Variants in DOCK10 observed in about 807,000 individuals in gnomAD.
DOCK10 encodes the protein dedicator of cytokinesis protein 10.
A neutral mutation model predicts 280.1 loss-of-function variants in DOCK10; 145 were observed. The ratio of observed to expected loss-of-function variants is 0.52; its 90% CI spans 0.45 to 0.59. DOCK10 has a LOEUF of 0.59. DOCK10 is among the 20% of genes least tolerant of loss of function. The pLI, the probability that DOCK10 is intolerant of heterozygous loss-of-function variation, is 0.00. For missense variants in DOCK10, 2,368 were observed against 2,651.7 expected (o/e 0.89, Z 2.35); for synonymous variants, 915 against 942.2 (o/e 0.97, Z 0.53).
At chr2:224,967,051 C>T (rs1373288471) in intron 1 of DOCK10, among the ~76,000 whole-genome samples, 4 of 151,510 alleles carry the variant, frequency 2.6e-5, no homozygotes, top group African/African-American at 7.3e-5. Flanking sequence ...ATATCAGGAC[C>T]AAATGGATAA....
intron 1 of DOCK10, among the ~76,000 whole-genome samples, chr2:224,992,228 G>C (rs949836637): frequency 6.6e-6 from 1 of 152,178 alleles, no homozygotes; most frequent in Non-Finnish European, 1.5e-5. Context: ...TATTTTCTGT[G>C]TTCATTTTTC....
Position 224,865,037 on chromosome 2 carries a change from C to T in DOCK10, c.1308G>A (p.Arg436=). 1.9e-6 allele frequency: 3 copies of T among 1,613,978 alleles called. No homozygotes were observed. The highest frequency in any genetic ancestry group is 2.5e-6 in the Non-Finnish European group (3 of 1,179,890). ...CCACATGAAAATCAGCAGAAATCTT[C>T]CTGCTGTCTCTGAGGTCATAAAGTG... ...SVALYDLRDS[R]KISADFHVDL... The change falls in exon 12 of 56, where the codon AGG becomes AGA. Residue 436 remains arginine (R), a synonymous_variant. Transcript: ENST00000258390.
At chr2:224,854,133 T>C (rs893059629) in intron 16 of DOCK10, among the ~76,000 whole-genome samples, 6 of 152,174 alleles carry the variant, frequency 3.9e-5, no homozygotes, top group Admixed American at 1.3e-4. Flanking sequence ...GTTACAAGGA[T>C]GGAAAACTTA....
rs1696287150 is a variant in DOCK10, at chr2:224,845,581, T to C, written c.2297A>G (p.His766Arg). 6 of 1,613,450 alleles carry C rather than the reference T, an allele frequency of 3.7e-6. No individual in the cohort carries two copies. The highest frequency in any genetic ancestry group is 5.1e-6 in the Non-Finnish European group (6 of 1,179,602). The change falls in exon 20 of 56, where the codon CAC becomes CGC. Residue 766 changes from histidine (H) to arginine (R), a missense_variant. Coordinates refer to ENST00000258390, the MANE Select transcript of DOCK10 (RefSeq NM_014689.3). ...EKHHILFSFY[H>R]VTCDINAKAN... ...TTTTGCATTGATGTCACAGGTGACG[T>C]GATAAAAAGAAAACAAAATATGGTG...
chr2:224,856,197 T>A (rs1041069708), intron 15 of DOCK10, among the ~76,000 whole-genome samples: 8 of 152,242 alleles, frequency 5.3e-5, no homozygotes, highest in African/African-American at 1.9e-4. Flanking sequence ...CATGAATAAT[T>A]TAATGTCAGC....
intron 8 of DOCK10, among the ~76,000 whole-genome samples, chr2:224,875,180 T>A (rs1328170087): frequency 6.6e-6 from 1 of 152,206 alleles, no homozygotes; most frequent in Non-Finnish European, 1.5e-5. Flanking sequence ...CTATCGTTGT[T>A]ATTATTAAGG....
Position 225,035,572 on chromosome 2 carries a change from A to ATATATATATATATATATATATATAT in DOCK10, c.123+6679_123+6680insATATATATATATATATATATATATA, listed in dbSNP as rs1559986747. Among the ~76,000 whole-genome samples, 87 of 69,954 alleles carry ATATATATATATATATATATATATAT rather than the reference A, an allele frequency of 1.2e-3. 3 individuals are homozygous for ATATATATATATATATATATATATAT. Among genetic ancestry groups the ATATATATATATATATATATATATAT allele is most frequent in the South Asian group, 4.4e-3 (9 of 2,038 alleles). The allele number at this position is 69,954 out of a possible 152,430, so 45.9% of individuals were successfully genotyped here. The stretch of plus-strand genomic sequence containing the variant: ...TATATATATATATATATATATATAT[A>ATATATATATATATATATATATATAT]TATATATATATATATAACACTGAAT... On this transcript the variant is annotated intron_variant, in intron 1 of 55. Coordinates refer to ENST00000258390, the MANE Select transcript of DOCK10 (RefSeq NM_014689.3).
intron 30 of DOCK10, 146 bp from the exon 31 acceptor site, chr2:224,814,510 T>C: frequency 2.3e-6 from 1 of 443,962 alleles, no homozygotes; most frequent in Non-Finnish European, 3.9e-6. Context: ...TCAAGGAGAA[T>C]GTCTTAGGTT....
Position 224,824,429 on chromosome 2 carries a change from C to CTTTTTTT in DOCK10, c.3037-789_3037-783dup, listed in dbSNP as rs869275800. Reference sequence around the variant, plus strand: ...CCGAGTTCTTCCATCTCAGACTCTGCTTTTTTTTTTTTTTTTTTTTTTTTG... The same window carrying CTTTTTTT: ...CCGAGTTCTTCCATCTCAGACTCTGCTTTTTTTTTTTTTTTTTTTTTTTTTTTTTTTG... On this transcript the variant is annotated intron_variant, in intron 27 of 55. Transcript: ENST00000258390. Among the ~76,000 whole-genome samples, 165 of 63,578 alleles carry CTTTTTTT rather than the reference C, an allele frequency of 2.6e-3. 14 individuals carry two copies. The highest frequency in any genetic ancestry group is 3.9e-3 in the African/African-American group (54 of 13,756). 41.7% of individuals were successfully genotyped at this position (63,578 alleles called of 152,430 possible).
intron 1 of DOCK10, among the ~76,000 whole-genome samples, chr2:224,976,611 A>C (rs1192710004): frequency 6.6e-6 from 1 of 151,536 alleles, no homozygotes; most frequent in African/African-American, 2.4e-5. Context: ...ACAGGTACCC[A>C]GGGAAAAAAC....
At chr2:224,947,365 G>A (rs1045793858) in intron 1 of DOCK10, among the ~76,000 whole-genome samples, 6 of 152,326 alleles carry the variant, frequency 3.9e-5, no homozygotes, top group African/African-American at 1.2e-4. Context: ...ATTCTGGTTA[G>A]ACTCCAAAAG....
Position 224,856,901 on chromosome 2 carries a change from A to C in DOCK10, c.1767T>G (p.Ile589Met). ...SPLFRQESSK[I>M]STEDLVKLVS... The stretch of plus-strand genomic sequence containing the variant: ...CTAGTTTAACTAGGTCCTCAGTTGA[A>C]ATCTTGCTACTTTCTTGTCTAAACA... The change falls in exon 15 of 56, where the codon ATT (isoleucine) becomes ATG (methionine). Residue 589 changes from isoleucine (I) to methionine (M), a missense_variant. Physicochemically the swap from Ile to Met is conservative, Grantham distance 10. Around this residue, in one of 2 missense-constraint regions of DOCK10, gnomAD observed 1,209 missense variants for 1,250.9 expected, o/e 0.97. Transcript: ENST00000258390. 1 of 1,612,538 alleles carries C rather than the reference A, an allele frequency of 6.2e-7. No individual in the cohort carries two copies. The highest frequency in any genetic ancestry group is 8.5e-7 in the Non-Finnish European group (1 of 1,178,948).
At chr2:224,983,358 A>G in intron 1 of DOCK10, 1 of 176,730 alleles carries the variant, frequency 5.7e-6, no homozygotes, top group Non-Finnish European at 1.2e-5. Flanking sequence ...GTGAAAGGGA[A>G]TAGGGCAGCT....
At chr2:224,838,266 T>C (rs1695720908) in intron 24 of DOCK10, among the ~76,000 whole-genome samples, 1 of 152,234 alleles carries the variant, frequency 6.6e-6, no homozygotes, top group African/African-American at 2.4e-5. Context: ...TTCCAACCTA[T>C]AGGCACTATA....
chr2:224,896,348 A>G lies in DOCK10; in HGVS notation c.363T>C (p.His121=). 6.2e-7 allele frequency: 1 copy of G among 1,604,482 alleles called. No homozygotes were observed. Among genetic ancestry groups the G allele is most frequent in the Admixed American group, 1.7e-5 (1 of 59,472 alleles). ...ATTGTTCATATTTGTAGTTTACCACATGCCACTGGGAACTATAAAATTTAC... is the reference window on the plus strand; with the variant it reads ...ATTGTTCATATTTGTAGTTTACCACGTGCCACTGGGAACTATAAAATTTAC... ...EACKFYSSQW[H]VVNYKYEQYS... The change falls in exon 4 of 56, where the codon CAT becomes CAC. Residue 121 remains histidine (H), a synonymous_variant. Transcript: ENST00000258390.
At position 224,908,089 on chromosome 2, in the gene DOCK10, G is replaced by A. The variant is rs145815193; in HGVS notation, c.333+8606C>T. ...GTTTCTATGTGTGTGAGACACTTAG[G>A]AACATCGTGCAGACCTAGCCTCTTG... On this transcript the variant is annotated intron_variant, in intron 3 of 55. Transcript: ENST00000258390. 7.2e-4 allele frequency among the ~76,000 whole-genome samples: 107 copies of A among 149,206 alleles called. 1 individual carries two copies. The highest frequency in any genetic ancestry group is 2.6e-3 in the African/African-American group (105 of 40,420).
intron 1 of DOCK10, among the ~76,000 whole-genome samples, chr2:224,981,430 G>C (rs1705742553): frequency 6.6e-6 from 1 of 152,082 alleles, no homozygotes; most frequent in South Asian, 2.1e-4. Flanking sequence ...CGATTATGCT[G>C]AAGCCACCTA....
At chr2:225,010,905 T>C (rs1689416284) in intron 1 of DOCK10, among the ~76,000 whole-genome samples, 1 of 152,172 alleles carries the variant, frequency 6.6e-6, no homozygotes, top group East Asian at 1.9e-4. Flanking sequence ...ATCATCTTCA[T>C]GGTTCTAAAT....
chr2:224,996,166 C>T (rs1706267977), intron 1 of DOCK10, among the ~76,000 whole-genome samples: 1 of 152,220 alleles, frequency 6.6e-6, no homozygotes, highest in Non-Finnish European at 1.5e-5. Flanking sequence ...TAAAAGGTCA[C>T]CCTATATCTG....
Sources: allele counts gnomAD v4.1 joint callset (sites outside exome capture counted in the v4.1 genomes callset), GRCh38; gene constraint gnomAD v4.1.1; regional missense constraint gnomAD v4.1.1; transcripts MANE v1.5; gene names NCBI Gene and HGNC (gene_info 2026-07-23, HGNC 2026-07-21).